The following ARIH1 variants were observed in gnomAD, a reference collection of about 807,000 sequenced individuals.
ARIH1 encodes the protein E3 ubiquitin-protein ligase ARIH1.
ARIH1 carries 8 observed loss-of-function variants against 85.0 expected under a neutral mutation model. That is an observed-to-expected ratio of 0.09 (90% CI 0.06 to 0.17). The LOEUF (loss-of-function observed/expected upper bound fraction) is 0.17. Among genes scored for constraint, ARIH1 ranks in the 10% least tolerant of loss-of-function variants. The probability of loss-of-function intolerance (pLI) is 1.00; values close to 1 mark genes in which losing one functional copy is unlikely to be tolerated. For synonymous variants in ARIH1, 238 were observed against 253.6 expected (o/e 0.94, Z 0.59); for missense variants, 311 against 718.1 (o/e 0.43, Z 6.48).
intron 2 of ARIH1, among the ~76,000 whole-genome samples, chr15:72,534,924 A>G (rs1336306380): frequency 1.3e-5 from 2 of 149,626 alleles, no homozygotes; most frequent in Non-Finnish European, 3.0e-5. Flanking sequence ...TGCATCACAA[A>G]TCGATGCCTC....
At position 72,506,351 on chromosome 15, in the gene ARIH1, C is replaced by CAAAAAAAAAAAAAA. The variant is rs71134002; in HGVS notation, c.376-11715_376-11702dup. Among the ~76,000 whole-genome samples the CAAAAAAAAAAAAAA allele has an allele frequency of 6.8e-3, 492 of 72,864 alleles. 23 individuals carry two copies. Among genetic ancestry groups the CAAAAAAAAAAAAAA allele is most frequent in the East Asian group, 0.017 (34 of 1,968 alleles). The allele number at this position is 72,864 out of a possible 152,430, so 47.8% of individuals were successfully genotyped here. A position where few individuals can be genotyped will look rare whatever the true frequency, so the allele number is the denominator to read the frequency against. On this transcript the variant is annotated intron_variant, in intron 1 of 13. Coordinates refer to ENST00000379887, the MANE Select transcript of ARIH1 (RefSeq NM_005744.5). ...GGCGACAGAGCAAGACTCCGTCTCA[C>CAAAAAAAAAAAAAA]AAAAAAAAAAAAAAGAAAAAAAAAA...
At chr15:72,529,545 A>C (rs1461216888) in intron 2 of ARIH1, among the ~76,000 whole-genome samples, 1 of 152,240 alleles carries the variant, frequency 6.6e-6, no homozygotes, top group Non-Finnish European at 1.5e-5. Context: ...GACATTGAGC[A>C]GGAGCTTGGT....
At chr15:72,566,355 C>T (rs1328097200) in intron 7 of ARIH1, 2 of 534,780 alleles carry the variant, frequency 3.7e-6, no homozygotes, top group Non-Finnish European at 6.6e-6. Context: ...TCATTCTTCA[C>T]ACATATTGAG....
Position 72,599,885 on chromosome 15 carries a change from G to A in ARIH1, c.*16593G>A, listed in dbSNP as rs1036337779. The stretch of plus-strand genomic sequence containing the variant: ...CCATTGATTGCTATTGAGTATATCT[G>A]TAGCATCAAGAATAGGCATACTGAA... On this transcript the variant is annotated 3_prime_UTR_variant, in exon 14 of 14. Coordinates refer to ENST00000379887, the MANE Select transcript of ARIH1 (RefSeq NM_005744.5). The A allele has an allele frequency of 2.6e-5, 4 of 152,142 alleles. No homozygotes were observed. The highest frequency in any genetic ancestry group is 5.9e-5 in the Non-Finnish European group (4 of 68,032). The allele number at this position is 152,142 out of a possible 1,614,324, so 9.4% of individuals were successfully genotyped here. A position where few individuals can be genotyped will look rare whatever the true frequency, so the allele number is the denominator to read the frequency against.
chr15:72,505,719 C>T (rs753837856), intron 1 of ARIH1, among the ~76,000 whole-genome samples: 13 of 152,074 alleles, frequency 8.5e-5, no homozygotes, highest in Non-Finnish European at 1.3e-4. Flanking sequence ...TTTCTCTTGC[C>T]GTTGTCACTG....
intron 11 of ARIH1, 48 bp from the exon 12 acceptor site, chr15:72,580,683 C>T (rs1453985524): frequency 1.3e-6 from 2 of 1,525,926 alleles, no homozygotes; most frequent in African/African-American, 2.8e-5. Context: ...CTTTTATGTA[C>T]AGTTTATGTG....
rs1351883235 is a variant in ARIH1 at position 72,592,828 on chromosome 15, T to G, written c.*9536T>G. 1 of 152,228 alleles carries G rather than the reference T, an allele frequency of 6.6e-6. No individual in the cohort carries two copies. Among genetic ancestry groups the G allele is most frequent in the Admixed American group, 6.5e-5 (1 of 15,282 alleles). The allele number at this position is 152,228 out of a possible 1,614,324, so 9.4% of individuals were successfully genotyped here. ...TTCTCCTATTGAAGGACCTTTAGGT[T>G]GTTTCCAGTTTGGGGCAATTATGAA... On this transcript the variant is annotated 3_prime_UTR_variant, in exon 14 of 14. Transcript: ENST00000379887.
chr15:72,541,874 C>T lies in ARIH1; in HGVS notation c.444-2946C>T, dbSNP rs569880266. Among the ~76,000 whole-genome samples the T allele has an allele frequency of 2.0e-5, 3 of 152,258 alleles. No homozygotes were observed. The East Asian group carries it at 5.8e-4, about 29-fold the overall frequency. ...GCAGAGCAAACATAAAGAGTGATTACAGTTAGTAATGTTGTAAGTGCTGCA... is the reference window on the plus strand; with the variant it reads ...GCAGAGCAAACATAAAGAGTGATTATAGTTAGTAATGTTGTAAGTGCTGCA... On this transcript the variant is annotated intron_variant, in intron 2 of 13. Transcript: ENST00000379887.
At chr15:72,552,023 A>G (rs890583816) in intron 3 of ARIH1, among the ~76,000 whole-genome samples, 4 of 152,210 alleles carry the variant, frequency 2.6e-5, no homozygotes, top group East Asian at 1.9e-4. Context: ...GCACGGCATA[A>G]ATGACGACAA....
intron 1 of ARIH1, among the ~76,000 whole-genome samples, chr15:72,511,864 T>TC (rs1337706664): frequency 6.6e-6 from 1 of 152,168 alleles, no homozygotes; most frequent in Non-Finnish European, 1.5e-5. Flanking sequence ...CGTTTCCTAG[T>TC]TTGCTGAGAG....
chr15:72,585,464 A>C lies in ARIH1; in HGVS notation c.*2172A>C, dbSNP rs1172079938. The C allele has an allele frequency of 6.6e-6, 1 of 152,172 alleles. No individual in the cohort carries two copies. Among genetic ancestry groups the C allele is most frequent in the Non-Finnish European group, 1.5e-5 (1 of 68,028 alleles). The allele number at this position is 152,172 out of a possible 1,614,324, so 9.4% of individuals were successfully genotyped here. ...CCTTTCCCTGGTAACTTTGAAAAGC[A>C]GTCAGAGTTGCTATATAGATATATG... On this transcript the variant is annotated 3_prime_UTR_variant, in exon 14 of 14. Transcript: ENST00000379887.
intron 5 of ARIH1, among the ~76,000 whole-genome samples, chr15:72,560,139 T>C (rs2064191705): frequency 6.6e-6 from 1 of 152,208 alleles, no homozygotes; most frequent in African/African-American, 2.4e-5. Flanking sequence ...AAATATTAAT[T>C]GAACACTTTC....
chr15:72,561,480 C>T lies in ARIH1; in HGVS notation c.738-3C>T. On this transcript the variant is annotated splice_region_variant and splice_polypyrimidine_tract_variant and intron_variant, in intron 5 of 13. Coordinates refer to ENST00000379887, the MANE Select transcript of ARIH1 (RefSeq NM_005744.5). ...TCTAATCTATTTTTATTCTTGGTTT[C>T]AGGCGCCTGATCACAGATTCAAAAG... is the stretch of plus-strand genomic sequence containing the variant. 6.3e-7 allele frequency: 1 copy of T among 1,585,914 alleles called. No individual in the cohort carries two copies. Among genetic ancestry groups the T allele is most frequent in the Non-Finnish European group, 8.6e-7 (1 of 1,159,520 alleles).
intron 2 of ARIH1, among the ~76,000 whole-genome samples, chr15:72,521,538 T>C (rs2063999879): frequency 1.3e-5 from 2 of 152,058 alleles, no homozygotes; most frequent in African/African-American, 4.8e-5. Context: ...TCTCTTTCCA[T>C]GTCTTCTAAC....
At chr15:72,504,552 C>G (rs953469094) in intron 1 of ARIH1, among the ~76,000 whole-genome samples, 5 of 152,106 alleles carry the variant, frequency 3.3e-5, no homozygotes, top group African/African-American at 1.2e-4. Context: ...TCAAGCTGCC[C>G]CTCTGAAGTC....
At chr15:72,518,866 G>A (rs1321527543) in intron 2 of ARIH1, among the ~76,000 whole-genome samples, 2 of 151,730 alleles carry the variant, frequency 1.3e-5, no homozygotes, top group Non-Finnish European at 2.9e-5. Context: ...AAACAAAATT[G>A]AGAAGTTGCT....
intron 3 of ARIH1, among the ~76,000 whole-genome samples, chr15:72,549,439 T>G (rs1014310939): frequency 6.6e-6 from 1 of 152,144 alleles, no homozygotes; most frequent in Non-Finnish European, 1.5e-5. Flanking sequence ...GAATAAGATA[T>G]GTGAAGTAGG....
intron 1 of ARIH1, among the ~76,000 whole-genome samples, chr15:72,483,160 C>T (rs1051702727): frequency 6.6e-6 from 1 of 152,144 alleles, no homozygotes; most frequent in African/African-American, 2.4e-5. Flanking sequence ...CCGTGTCTGG[C>T]CTGGGTAGCA....
In ARIH1 at chr15:72,591,203, CAG is replaced by C. The variant is rs1351823325; in HGVS notation, c.*7917_*7918del. 9.1e-6 allele frequency: 1 copy of C among 110,272 alleles called. No individual in the cohort carries two copies. Among genetic ancestry groups the C allele is most frequent in the Admixed American group, 1.4e-4 (1 of 7,238 alleles). 6.8% of individuals were successfully genotyped at this position (110,272 alleles called of 1,614,324 possible). On this transcript the variant is annotated 3_prime_UTR_variant, in exon 14 of 14. Transcript: ENST00000379887. ...CACCACTGCACTCCAGCCTGGGCGA[CAG>C]AGAGACTCTGTCTCAAAAAAAAAAA...
Sources: allele counts gnomAD v4.1 joint callset (sites outside exome capture counted in the v4.1 genomes callset), GRCh38; gene constraint gnomAD v4.1.1; transcripts MANE v1.5; gene names NCBI Gene and HGNC (gene_info 2026-07-23, HGNC 2026-07-21).